Variants in LARP4 observed in about 807,000 individuals in gnomAD.
The protein encoded by LARP4 is La ribonucleoprotein 4.
A neutral mutation model predicts 92.9 loss-of-function variants in LARP4; 29 were observed. That is an observed-to-expected ratio of 0.31 (90% CI 0.23 to 0.43). The LOEUF is 0.43. LARP4 is among the 20% of genes least tolerant of loss of function. LARP4 has a pLI of 1.00. For synonymous variants in LARP4, 279 were observed against 284.1 expected, an observed-to-expected ratio of 0.98 and a Z score of 0.18; for missense variants, 732 against 860.0, an observed-to-expected ratio of 0.85 and a Z score of 1.86.
At chr12:50,428,028 C>T (rs1005844772) in intron 2 of LARP4, 119 bp downstream of exon 2, 1 of 633,418 alleles carries the variant, frequency 1.6e-6, no homozygotes, top group East Asian at 3.0e-5. Context: ...CAGAGTCTTC[C>T]TCTGTCACCC....
rs1277387095 is a variant in LARP4, at chr12:50,466,940, T to C, written c.1384-19T>C. On this transcript the variant is annotated intron_variant, in intron 12 of 15. Transcript: ENST00000398473. ...AATGAGATAGCCATGTGACCTGTTT[T>C]ATTATTTGTTCATTTTAGAGACCTC... 1.3e-6 allele frequency: 2 copies of C among 1,597,282 alleles called. No individual in the cohort carries two copies. The highest frequency in any genetic ancestry group is 1.3e-5 in the African/African-American group (1 of 74,664).
chr12:50,476,096 A>G lies in LARP4; in HGVS notation c.*232A>G, dbSNP rs1008093810. ...TATAAATATATATATATATATACAC[A>G]CACATATATAAAAAGTATAATTTTT... On this transcript the variant is annotated 3_prime_UTR_variant, in exon 16 of 16. Transcript: ENST00000398473. 2 of 215,884 alleles carry G rather than the reference A, an allele frequency of 9.3e-6. No homozygotes were observed. The highest frequency in any genetic ancestry group is 1.8e-5 in the Non-Finnish European group (2 of 109,758). 13.4% of individuals were successfully genotyped at this position (215,884 alleles called of 1,614,324 possible). A position where few individuals can be genotyped will look rare whatever the true frequency, so the allele number is the denominator to read the frequency against.
intron 1 of LARP4, among the ~76,000 whole-genome samples, chr12:50,410,395 C>T (rs1945651153): frequency 6.6e-6 from 1 of 150,412 alleles, no homozygotes; most frequent in African/African-American, 2.4e-5. Context: ...TCTATTAATA[C>T]AGGATTCTTT....
chr12:50,477,584 T>TTAAC lies in LARP4; in HGVS notation c.*1722_*1725dup, dbSNP rs1384698104. The TTAAC allele has an allele frequency of 2.6e-5, 4 of 152,560 alleles. No homozygotes were observed. The highest frequency in any genetic ancestry group is 9.6e-5 in the African/African-American group (4 of 41,456). 9.5% of individuals were successfully genotyped at this position (152,560 alleles called of 1,614,324 possible). A position where few individuals can be genotyped will look rare whatever the true frequency, so the allele number is the denominator to read the frequency against. On this transcript the variant is annotated 3_prime_UTR_variant, in exon 16 of 16. Transcript: ENST00000398473. ...AAGCTTTGGAGATACATGTTAGTGGTTAACTGTTAAGAGCTTTGAAAACAC... is the reference window on the plus strand; with the variant it reads ...AAGCTTTGGAGATACATGTTAGTGGTTAACTAACTGTTAAGAGCTTTGAAAACAC...
intron 12 of LARP4, among the ~76,000 whole-genome samples, chr12:50,463,786 C>T (rs935710219): frequency 6.6e-6 from 1 of 152,090 alleles, no homozygotes; most frequent in African/African-American, 2.4e-5. Flanking sequence ...AGGACGGTGG[C>T]CCTCTTCTGC....
intron 1 of LARP4, among the ~76,000 whole-genome samples, chr12:50,418,659 G>A (rs1947248372): frequency 2.0e-5 from 3 of 151,892 alleles, no homozygotes; most frequent in South Asian, 4.2e-4. Flanking sequence ...GAGCTCAAGC[G>A]ATTTGCCTGC....
chr12:50,402,324 G>A (rs907664156), intron 1 of LARP4, among the ~76,000 whole-genome samples: 4 of 151,956 alleles, frequency 2.6e-5, no homozygotes, highest in Admixed American at 6.6e-5. Flanking sequence ...GGAACATTCC[G>A]GGGAAATCAT....
At chr12:50,450,373 C>T (rs1467601159) in intron 8 of LARP4, among the ~76,000 whole-genome samples, 1 of 152,112 alleles carries the variant, frequency 6.6e-6, no homozygotes, top group East Asian at 1.9e-4. Context: ...ATTTTGTGGA[C>T]CACTGCCTAG....
chr12:50,402,774 G>A (rs1944110009), intron 1 of LARP4: 1 of 455,564 alleles, frequency 2.2e-6, no homozygotes, highest in Non-Finnish European at 4.4e-6. Context: ...GTCAAATCAT[G>A]GACGGGATGT....
At chr12:50,432,812 A>G (rs1262193137) in intron 4 of LARP4, among the ~76,000 whole-genome samples, 1 of 147,996 alleles carries the variant, frequency 6.8e-6, no homozygotes, top group Non-Finnish European at 1.5e-5. Flanking sequence ...GTGAGCCGAG[A>G]TCGCACCATT....
chr12:50,431,572 C>T (rs1004172124), intron 4 of LARP4, among the ~76,000 whole-genome samples: 3 of 152,052 alleles, frequency 2.0e-5, no homozygotes, highest in Non-Finnish European at 2.9e-5. Context: ...ATGGGCCAGG[C>T]GCAGTGGCTC....
Position 50,454,346 on chromosome 12 carries a change from C to T in LARP4, c.1050C>T (p.Gly350=). Reference sequence around the variant, plus strand: ...TTCCCAATGGTAGTTTTGTGAATGGCTTTAATTCGCCAGGATCTTATAAAA... The same window carrying T: ...TTCCCAATGGTAGTTTTGTGAATGGTTTTAATTCGCCAGGATCTTATAAAA... ...APFPNGSFVN[G]FNSPGSYKTN... The change falls in exon 10 of 16, where the codon GGC becomes GGT. Residue 350 remains glycine, a synonymous_variant. Transcript: ENST00000398473. 6.2e-7 allele frequency: 1 copy of T among 1,613,230 alleles called. No individual in the cohort carries two copies. Among genetic ancestry groups the T allele is most frequent in the Non-Finnish European group, 8.5e-7 (1 of 1,179,746 alleles).
At chr12:50,456,718 C>G (rs1040492783) in intron 10 of LARP4, among the ~76,000 whole-genome samples, 1 of 152,032 alleles carries the variant, frequency 6.6e-6, no homozygotes, top group Non-Finnish European at 1.5e-5. Context: ...CATTCTTTCT[C>G]TCTTTTGCCT....
intron 14 of LARP4, among the ~76,000 whole-genome samples, 173 bp downstream of exon 14, chr12:50,473,709 T>G (rs1397551212): frequency 6.7e-6 from 1 of 149,006 alleles, no homozygotes; most frequent in Non-Finnish European, 1.5e-5. Context: ...CTACTAAAAA[T>G]ACAAAAATTA....
intron 11 of LARP4, 161 bp downstream of exon 11, chr12:50,461,508 T>A: frequency 2.6e-6 from 2 of 777,342 alleles, no homozygotes; most frequent in East Asian, 5.7e-5. Flanking sequence ...TTGCTTTTTA[T>A]AATTATTAAG....
In LARP4 at chr12:50,457,267, C is replaced by T. The variant is rs563316069; in HGVS notation, c.1121+2850C>T. On this transcript the variant is annotated intron_variant, in intron 10 of 15. Transcript: ENST00000398473. The stretch of plus-strand genomic sequence containing the variant: ...TGTTGTCCAGGCTGGAGTGCAATGG[C>T]GGGATCTCGGCTCACTGCAACGTCC... Among the ~76,000 whole-genome samples the T allele has an allele frequency of 1.3e-4, 18 of 138,430 alleles. No individual in the cohort carries two copies. In the East Asian group the frequency reaches 3.6e-3, roughly 28 times the overall value. 90.8% of individuals were successfully genotyped at this position (138,430 alleles called of 152,430 possible).
chr12:50,450,266 GT>G (rs1952955153), intron 8 of LARP4, among the ~76,000 whole-genome samples: 1 of 152,102 alleles, frequency 6.6e-6, no homozygotes, highest in Non-Finnish European at 1.5e-5. Flanking sequence ...TTGCTGTGCA[GT>G]TTGTCAAGAT....
intron 1 of LARP4, among the ~76,000 whole-genome samples, chr12:50,419,361 T>C (rs1947360337): frequency 6.6e-6 from 1 of 151,970 alleles, no homozygotes; most frequent in Non-Finnish European, 1.5e-5. Context: ...TGAGACCCTG[T>C]CTCAAAACAG....
rs200430924 is a variant in LARP4 at position 50,400,968 on chromosome 12, G to A, written c.-43G>A. On this transcript the variant is annotated 5_prime_UTR_variant, in exon 1 of 16. Transcript: ENST00000398473. ...TGGGGCGCGGGCCTGTGAGCCAGTTGGAGTTGCGGCGGCGGGAACGATTGG... is the reference window on the plus strand; with the variant it reads ...TGGGGCGCGGGCCTGTGAGCCAGTTAGAGTTGCGGCGGCGGGAACGATTGG... The A allele has an allele frequency of 4.8e-5, 78 of 1,614,102 alleles. No individual in the cohort carries two copies. The African/African-American group carries it at 9.5e-4, about 20-fold the overall frequency.
Sources: allele counts gnomAD v4.1 joint callset (sites outside exome capture counted in the v4.1 genomes callset), GRCh38; gene constraint gnomAD v4.1.1; transcripts MANE v1.5; gene names NCBI Gene and HGNC (gene_info 2026-07-23, HGNC 2026-07-21).